The following SNAPC3 variants were observed in gnomAD, a reference collection of about 807,000 sequenced individuals.
SNAPC3 encodes the protein small nuclear RNA activating complex polypeptide 3.
A neutral mutation model predicts 47.7 loss-of-function variants in SNAPC3; 56 were observed. The observed-to-expected ratio is 1.18, with a 90% confidence interval of 0.95 to 1.47. SNAPC3 has a LOEUF of 1.47. Ranked by LOEUF, SNAPC3 falls within the 40% of genes most tolerant of loss-of-function variation. The pLI is 0.00. For missense variants in SNAPC3, 665 were observed against 511.3 expected (o/e 1.30, Z -2.90); for synonymous variants, 235 against 189.9 (o/e 1.24, Z -1.95).
intron 7 of SNAPC3, among the ~76,000 whole-genome samples, chr9:15,456,958 G>T (rs1196088344): frequency 6.6e-6 from 1 of 152,070 alleles, no homozygotes; most frequent in Admixed American, 6.5e-5. Context: ...TCAAATTTTA[G>T]AATTGTTAGA....
intron 3 of SNAPC3, among the ~76,000 whole-genome samples, chr9:15,440,565 C>T (rs1240813396): frequency 6.6e-6 from 1 of 152,000 alleles, no homozygotes; most frequent in Non-Finnish European, 1.5e-5. Context: ...GTGGTGGGTT[C>T]CCATAGTCTC....
chr9:15,434,905 A>G (rs546144486), intron 3 of SNAPC3, among the ~76,000 whole-genome samples: 5 of 152,302 alleles, frequency 3.3e-5, no homozygotes, highest in African/African-American at 7.2e-5. Context: ...ATTGGTGTAC[A>G]GATATCTTTT....
chr9:15,457,881 CAG>C, intron 7 of SNAPC3, 77 bp from the exon 8 acceptor site: 1 of 788,618 alleles, frequency 1.3e-6, no homozygotes, highest in Non-Finnish European at 2.1e-6. Flanking sequence ...TACTCAGGCA[CAG>C]ATATATTTAA....
chr9:15,451,348 T>C lies in SNAPC3; in HGVS notation c.761T>C (p.Phe254Ser). Reference protein sequence around the residue: ...KDLYKSAFFYFEGTFYNDKRY... With the variant: ...KDLYKSAFFYSEGTFYNDKRY... ...CTATACAAATCAGCCTTCTTTTATT[T>C]TGAAGGAACATTTTATAATGATAAA... Residue 254 changes from phenylalanine to serine, a missense_variant, in exon 6 of 9, where the codon TTT becomes TCT. Transcript: ENST00000380821. The C allele has an allele frequency of 6.5e-7, 1 of 1,544,550 alleles. No individual in the cohort carries two copies. The highest frequency in any genetic ancestry group is 8.9e-7 in the Non-Finnish European group (1 of 1,126,092).
At chr9:15,423,287 C>A in intron 1 of SNAPC3, 94 bp downstream of exon 1, 1 of 1,292,532 alleles carries the variant, frequency 7.7e-7, no homozygotes, top group Non-Finnish European at 1.0e-6. Context: ...TGAGAAGGGC[C>A]TGTGGTTTAG....
chr9:15,444,828 A>T (rs1325821356), intron 4 of SNAPC3, 122 bp downstream of exon 4: 3 of 552,546 alleles, frequency 5.4e-6, no homozygotes, highest in Non-Finnish European at 9.4e-6. Flanking sequence ...GTGGTGGCTC[A>T]TGCCTGTAAT....
downstream of SNAPC3, among the ~76,000 whole-genome samples, chr9:15,466,309 G>T (rs1282828290): frequency 1.3e-5 from 2 of 152,242 alleles, no homozygotes. Context: ...AACCCAGGAA[G>T]TGGAGGTTGC....
rs768539374 is a variant in SNAPC3 at position 15,459,862 on chromosome 9, A to G, written c.1232A>G (p.Asn411Ser). 5 of 1,612,228 alleles carry G rather than the reference A, an allele frequency of 3.1e-6. No homozygotes were observed. Among genetic ancestry groups the G allele is most frequent in the Non-Finnish European group, 4.2e-6 (5 of 1,179,156 alleles). The change falls in exon 9 of 9, where the codon AAT becomes AGT. Residue 411 changes from asparagine (N) to serine (S), a missense_variant. Asn to Ser is a conservative substitution (Grantham distance 46, BLOSUM62 1). Transcript: ENST00000380821. ...CCTTATGTTGATCCTGGAACCTTTA[A>G]TTAAGAATAGCTACACTCACAAAAA... ...AYPYVDPGTF[N>S]
At position 15,447,218 on chromosome 9, in the gene SNAPC3, G is replaced by A. The variant is rs773056764; in HGVS notation, c.706G>A (p.Asp236Asn). Residue 236 changes from aspartate to asparagine, a missense_variant, in exon 5 of 9, where the codon GAC (aspartate) becomes AAC (asparagine). By Grantham distance (23) the Asp-to-Asn change is conservative. Transcript: ENST00000380821. The stretch of plus-strand genomic sequence containing the variant: ...TGGTGGTGAATTCAGCAACACTCCT[G>A]ACCAAGCCCCTGAGCACATCAGCAA... ...QIGGEFSNTPDQAPEHISKDL... is the reference protein window; with the variant it reads ...QIGGEFSNTPNQAPEHISKDL... The A allele has an allele frequency of 1.9e-6, 3 of 1,613,978 alleles. No individual in the cohort carries two copies. Among genetic ancestry groups the A allele is most frequent in the African/African-American group, 1.3e-5 (1 of 74,896 alleles).
Position 15,422,945 on chromosome 9 carries a change from C to T in SNAPC3, c.66C>T (p.Ser22=), listed in dbSNP as rs974145546. ...TGGGTGGCAGGCAGGACCCAGTCTC[C>T]GGCAGTGGCGGCTGCAACTTTCCAG... is the stretch of plus-strand genomic sequence containing the variant. ...SGVGGRQDPV[S]GSGGCNFPEY... is the part of the protein sequence containing the mutation. Residue 22 remains serine (S), a synonymous_variant, in exon 1 of 9, where the codon TCC becomes TCT. Coordinates refer to ENST00000380821, the MANE Select transcript of SNAPC3 (RefSeq NM_001039697.2). 17 of 1,530,712 alleles carry T rather than the reference C, an allele frequency of 1.1e-5. No homozygotes were observed. The highest frequency in any genetic ancestry group is 4.8e-5 in the Admixed American group (2 of 41,630). 94.8% of individuals were successfully genotyped at this position (1,530,712 alleles called of 1,614,324 possible). A position where few individuals can be genotyped will look rare whatever the true frequency, so the allele number is the denominator to read the frequency against.
Position 15,458,068 on chromosome 9 carries a change from G to T in SNAPC3, c.1088+1G>T, listed in dbSNP as rs774860137. 3 of 1,484,160 alleles carry T rather than the reference G, an allele frequency of 2.0e-6. No individual in the cohort carries two copies. Among genetic ancestry groups the T allele is most frequent in the South Asian group, 2.5e-5 (2 of 78,890 alleles). The allele number at this position is 1,484,160 out of a possible 1,614,324, so 91.9% of individuals were successfully genotyped here. Reference sequence around the variant, plus strand: ...TTGTTTGTAAAATGTATACAGCCAGGTGAGTGATAATGTATTTTTTTTTTT... The same window carrying T: ...TTGTTTGTAAAATGTATACAGCCAGTTGAGTGATAATGTATTTTTTTTTTT... On this transcript the variant is annotated splice_donor_variant, in intron 8 of 8. Transcript: ENST00000380821. LOFTEE classifies it high-confidence loss of function.
Position 15,423,120 on chromosome 9 carries a change from C to G in SNAPC3, c.241C>G (p.Arg81Gly). The G allele has an allele frequency of 6.4e-7, 1 of 1,554,388 alleles. No individual in the cohort carries two copies. Among genetic ancestry groups the G allele is most frequent in the Non-Finnish European group, 8.6e-7 (1 of 1,161,580 alleles). The change falls in exon 1 of 9, where the codon CGG becomes GGG. Residue 81 changes from arginine (R) to glycine (G), a missense_variant. By Grantham distance (125) the Arg-to-Gly change is moderately radical. Transcript: ENST00000380821. ...LPGSQAADSD[R>G]EDAAVARDLD... ...TGGGAGCCAGGCAGCTGACTCCGACCGGGAGGATGCCGCGGTGGCCAGGGA... is the reference window on the plus strand; with the variant it reads ...TGGGAGCCAGGCAGCTGACTCCGACGGGGAGGATGCCGCGGTGGCCAGGGA...
intron 2 of SNAPC3, among the ~76,000 whole-genome samples, chr9:15,425,205 T>C (rs1487285776): frequency 6.6e-6 from 1 of 152,148 alleles, no homozygotes; most frequent in East Asian, 1.9e-4. Context: ...AACATACCAC[T>C]TCTATGTTAT....
chr9:15,434,960 T>C (rs564808421), intron 3 of SNAPC3, among the ~76,000 whole-genome samples: 1 of 152,330 alleles, frequency 6.6e-6, no homozygotes, highest in Non-Finnish European at 1.5e-5. Context: ...AGGAATGGAA[T>C]TGATGGATTG....
chr9:15,433,672 T>C, intron 3 of SNAPC3, 36 bp downstream of exon 3: 1 of 1,313,520 alleles, frequency 7.6e-7, no homozygotes, highest in South Asian at 1.2e-5. Flanking sequence ...CCCTTTTCTC[T>C]TAAAACAGTA....
Position 15,434,828 on chromosome 9 carries a change from A to G in SNAPC3, c.477+1192A>G, listed in dbSNP as rs76753096. Among the ~76,000 whole-genome samples, 960 of 152,244 alleles carry G rather than the reference A, an allele frequency of 6.3e-3. 7 individuals are homozygous for G. The highest frequency in any genetic ancestry group is 0.022 in the African/African-American group (920 of 41,536). ...GTATGTATACACCACGTTTTGTTCT[A>G]TTTATCCGTTGATAGACATTTGGGT... On this transcript the variant is annotated intron_variant, in intron 3 of 8. Transcript: ENST00000380821.
intron 2 of SNAPC3, among the ~76,000 whole-genome samples, chr9:15,429,352 G>A (rs1037391548): frequency 1.3e-5 from 2 of 152,234 alleles, no homozygotes; most frequent in African/African-American, 4.8e-5. Flanking sequence ...ACAAGAGAAT[G>A]AGCTTTATCC....
rs761347491 is a variant in SNAPC3, at chr9:15,423,980, C to T, written c.386C>T (p.Thr129Ile). 4 of 1,562,812 alleles carry T rather than the reference C, an allele frequency of 2.6e-6. No homozygotes were observed. In the South Asian group the frequency reaches 3.6e-5, roughly 14 times the overall value. Residue 129 changes from threonine to isoleucine, a missense_variant, in exon 2 of 9, where the codon ACT becomes ATT. Coordinates refer to ENST00000380821, the MANE Select transcript of SNAPC3 (RefSeq NM_001039697.2). ...EVIPENTDLV[T>I]LGVRKRFLEH... ...ATTCCGGAGAATACTGACCTGGTGA[C>T]TTTGGGGTATGGAGGACTTGGTTTT...
At chr9:15,446,985 C>G in intron 4 of SNAPC3, 110 bp from the exon 5 acceptor site, 4 of 913,080 alleles carry the variant, frequency 4.4e-6, no homozygotes, top group Non-Finnish European at 7.0e-6. Flanking sequence ...GTTATGGGGA[C>G]AATTTAAAAT....
Sources: allele counts gnomAD v4.1 joint callset (sites outside exome capture counted in the v4.1 genomes callset), GRCh38; gene constraint gnomAD v4.1.1; transcripts MANE v1.5; gene names NCBI Gene and HGNC (gene_info 2026-07-23, HGNC 2026-07-21).